Variants in ISOC2 observed in about 807,000 individuals in gnomAD.
ISOC2 encodes the protein isochorismatase domain containing 2, also known as isochorismatase domain-containing protein 2.
Under a neutral mutation model 19.3 loss-of-function variants are expected in ISOC2, and 15 were observed. The observed-to-expected ratio is 0.78, with a 90% CI of 0.52 to 1.20. ISOC2 has a LOEUF of 1.20. Among genes scored for constraint, ISOC2 ranks in the 50% most tolerant of loss-of-function variants. ISOC2 has a pLI of 0.00. For synonymous variants in ISOC2, 106 were observed against 115.8 expected, an observed-to-expected ratio of 0.92 and a Z score of 0.54; for missense variants, 285 against 272.4, an observed-to-expected ratio of 1.05 and a Z score of -0.33.
chr19:55,458,595 C>T (rs1322197487), intron 1 of ISOC2, among the ~76,000 whole-genome samples: 2 of 151,094 alleles, frequency 1.3e-5, no homozygotes, highest in African/African-American at 4.9e-5. Context: ...GTGGCGCGAT[C>T]TTGGCTCACT....
intron 1 of ISOC2, among the ~76,000 whole-genome samples, chr19:55,457,749 G>C (rs1986105942): frequency 6.6e-6 from 1 of 150,494 alleles, no homozygotes; most frequent in African/African-American, 2.5e-5. Context: ...AGAATCACTT[G>C]AACCTGGGAG....
chr19:55,455,470 G>C, intron 3 of ISOC2, 140 bp from the exon 4 acceptor site: 1 of 1,233,606 alleles, frequency 8.1e-7, no homozygotes, highest in Non-Finnish European at 1.2e-6. Flanking sequence ...CCCCAGGTCA[G>C]GAGGGGATCC....
At position 55,455,704 on chromosome 19, in the gene ISOC2, C is replaced by T. The variant is rs1986030640; in HGVS notation, c.280G>A (p.Glu94Lys). 6.2e-7 allele frequency: 1 copy of T among 1,611,552 alleles called. No individual in the cohort carries two copies. Among genetic ancestry groups the T allele is most frequent in the Non-Finnish European group, 8.5e-7 (1 of 1,179,304 alleles). Residue 94 changes from glutamate to lysine, a missense_variant, in exon 3 of 6, where the codon GAG becomes AAG. Coordinates refer to ENST00000425675, the MANE Select transcript of ISOC2 (RefSeq NM_001136201.2). ...CFSMVPALQQ[E>K]LDSRPQLRSV... The stretch of plus-strand genomic sequence containing the variant: ...CGCAGCTGGGGCCGACTGTCCAGCT[C>T]CTGCTGCAGGGCAGGCACCATGCTG...
rs1458421151 is a variant in ISOC2 at position 55,455,789 on chromosome 19, CA to C, written c.194del (p.Leu65ArgfsTer52). ...VMLTEQYPQG[L>X]GPTVPELGTE... ...TCCCCAGCTCGGGCACCGTGGGGCC[CA>C]GGCCTTGTGGGTACTGCTCCGTCAG... is the stretch of plus-strand genomic sequence containing the variant. On this transcript the variant is annotated frameshift_variant, in exon 3 of 6. Transcript: ENST00000425675. LOFTEE classifies it high-confidence loss of function. 1.9e-6 allele frequency: 3 copies of C among 1,565,710 alleles called. No individual in the cohort carries two copies. In the African/African-American group the frequency reaches 4.0e-5, roughly 21 times the overall value.
intron 1 of ISOC2, among the ~76,000 whole-genome samples, chr19:55,460,679 G>C (rs1029453356): frequency 1.3e-5 from 2 of 152,220 alleles, no homozygotes; most frequent in African/African-American, 4.8e-5. Flanking sequence ...TTACACCAGG[G>C]TGCTCCCTTT....
chr19:55,461,046 A>G (rs1437950771), intron 1 of ISOC2, among the ~76,000 whole-genome samples: 14 of 151,788 alleles, frequency 9.2e-5, no homozygotes, highest in Non-Finnish European at 1.5e-5. Context: ...GAGAGATGTG[A>G]AGGGGAGGTC....
At chr19:55,460,433 G>A (rs1333804204) in intron 1 of ISOC2, among the ~76,000 whole-genome samples, 5 of 152,224 alleles carry the variant, frequency 3.3e-5, no homozygotes, top group Non-Finnish European at 5.9e-5. Flanking sequence ...GAAGTCTGTA[G>A]GAGCCTTTTC....
At chr19:55,457,966 C>T (rs769900340) in intron 1 of ISOC2, among the ~76,000 whole-genome samples, 7 of 150,570 alleles carry the variant, frequency 4.6e-5, no homozygotes, top group Non-Finnish European at 8.8e-5. Context: ...TTGGTGGTGG[C>T]GGCTGCAGAA....
intron 1 of ISOC2, chr19:55,460,117 G>A (rs1986188947): frequency 1.3e-5 from 2 of 152,208 alleles, no homozygotes; most frequent in African/African-American, 4.8e-5. Flanking sequence ...CTCTTCCCCA[G>A]AGCAAAGGAG....
intron 1 of ISOC2, among the ~76,000 whole-genome samples, chr19:55,458,603 A>G (rs1391254640): frequency 1.3e-5 from 2 of 150,118 alleles, no homozygotes; most frequent in East Asian, 3.9e-4. Flanking sequence ...ATCTTGGCTC[A>G]CTGCAAGCTC....
intron 3 of ISOC2, 58 bp from the exon 4 acceptor site, chr19:55,455,388 G>A (rs1391960626): frequency 3.7e-6 from 6 of 1,601,700 alleles, no homozygotes; most frequent in Middle Eastern, 1.7e-4. Context: ...CCTGGGTAAG[G>A]AATTGGGGAT....
At chr19:55,460,287 T>C (rs1172552228) in intron 1 of ISOC2, among the ~76,000 whole-genome samples, 1 of 151,970 alleles carries the variant, frequency 6.6e-6, no homozygotes, top group Non-Finnish European at 1.5e-5. Flanking sequence ...AGCAGAACAG[T>C]GTGTATGGAA....
chr19:55,459,082 C>A (rs1248153674), intron 1 of ISOC2, among the ~76,000 whole-genome samples: 2 of 152,018 alleles, frequency 1.3e-5, no homozygotes, highest in Non-Finnish European at 2.9e-5. Flanking sequence ...CAGGTGTATG[C>A]CACCACACCT....
In ISOC2 at chr19:55,454,954, T is replaced by A. The variant is rs758449472; in HGVS notation, c.537+35A>T. The A allele has an allele frequency of 1.9e-5, 27 of 1,438,324 alleles. No individual in the cohort carries two copies. The South Asian group carries it at 2.9e-4, about 15-fold the overall frequency. 89.1% of individuals were successfully genotyped at this position (1,438,324 alleles called of 1,614,324 possible). ...GCCCAAAGACAAGACCTTTGACAGA[T>A]GCAGGGGAGGTGGGGGCGGCCAGGC... On this transcript the variant is annotated intron_variant, in intron 5 of 5. Transcript: ENST00000425675.
chr19:55,454,944 C>T (rs1204027160), intron 5 of ISOC2, 45 bp downstream of exon 5: 1 of 1,402,794 alleles, frequency 7.1e-7, no homozygotes, highest in Non-Finnish European at 1.0e-6. Flanking sequence ...AAGACAAGAC[C>T]TTTGACAGAT....
At chr19:55,455,417 G>T (rs1599881857) in intron 3 of ISOC2, 87 bp from the exon 4 acceptor site, 1 of 1,533,844 alleles carries the variant, frequency 6.5e-7, no homozygotes, top group Non-Finnish European at 9.0e-7. Flanking sequence ...AGAATTAGGG[G>T]CCCAGAATGG....
At position 55,455,001 on chromosome 19, in the gene ISOC2, G is replaced by C. The variant is rs1357803667; in HGVS notation, c.525C>G (p.Pro175=). Residue 175 remains proline (P), a synonymous_variant, in exon 5 of 6, where the codon CCC becomes CCG. Transcript: ENST00000425675. ...ILQLVGDAVH[P]QFKEIQKLIK... is the part of the protein sequence containing the mutation. Reference sequence around the variant, plus strand: ...AGGCGGGCATTACCTCCTTGAACTGGGGGTGGACGGCATCGCCCACAAGCT... The same window carrying C: ...AGGCGGGCATTACCTCCTTGAACTGCGGGTGGACGGCATCGCCCACAAGCT... 6 of 1,612,444 alleles carry C rather than the reference G, an allele frequency of 3.7e-6. No individual in the cohort carries two copies. In the South Asian group the frequency reaches 4.4e-5, roughly 12 times the overall value.
intron 5 of ISOC2, chr19:55,454,044 T>C (rs1199557909): frequency 6.6e-6 from 1 of 152,494 alleles, no homozygotes; most frequent in South Asian, 2.1e-4. Flanking sequence ...CCAGCTCCCC[T>C]GCATCAAACC....
Position 55,455,107 on chromosome 19 carries a change from C to T in ISOC2, c.420-1G>A, listed in dbSNP as rs1373032698. 1.0e-5 allele frequency: 12 copies of T among 1,171,540 alleles called. No individual in the cohort carries two copies. Among genetic ancestry groups the T allele is most frequent in the Non-Finnish European group, 1.5e-5 (12 of 821,048 alleles). The allele number at this position is 1,171,540 out of a possible 1,614,324, so 72.6% of individuals were successfully genotyped here. On this transcript the variant is annotated splice_acceptor_variant, in intron 4 of 5. Transcript: ENST00000425675. LOFTEE classifies it high-confidence loss of function. ...CAGAGCCACCAGCCGGTCCACCTGGCTGTGAGTGGGAGGGAGGGAGGGAAG... is the reference window on the plus strand; with the variant it reads ...CAGAGCCACCAGCCGGTCCACCTGGTTGTGAGTGGGAGGGAGGGAGGGAAG...
Sources: allele counts gnomAD v4.1 joint callset (sites outside exome capture counted in the v4.1 genomes callset), GRCh38; gene constraint gnomAD v4.1.1; transcripts MANE v1.5; gene names NCBI Gene and HGNC (gene_info 2026-07-23, HGNC 2026-07-21).